The following STK33 variants were observed in gnomAD, a reference collection of about 807,000 sequenced individuals.
STK33 encodes serine/threonine-protein kinase 33.
Under a neutral mutation model 58.0 loss-of-function variants are expected in STK33, and 52 were observed. The ratio of observed to expected loss-of-function variants is 0.90; its 90% CI spans 0.72 to 1.13. The LOEUF (loss-of-function observed/expected upper bound fraction) is 1.13, where lower values mean the gene tolerates loss of function less well. Among genes scored for constraint, STK33 ranks in the 50% most tolerant of loss-of-function variants. The pLI, the probability that STK33 is intolerant of heterozygous loss-of-function variation, is 0.00. For synonymous variants in STK33, 215 were observed against 200.1 expected, an observed-to-expected ratio of 1.07 and a Z score of -0.63; for missense variants, 630 against 604.2, an observed-to-expected ratio of 1.04 and a Z score of -0.45.
chr11:8,469,653 G>C (rs1192804973), intron 6 of STK33, among the ~76,000 whole-genome samples: 2 of 152,184 alleles, frequency 1.3e-5, no homozygotes, highest in Non-Finnish European at 2.9e-5. Flanking sequence ...AGATCCATCA[G>C]AGGAATCACT....
chr11:8,493,557 A>G (rs947818513), intron 1 of STK33, among the ~76,000 whole-genome samples: 4 of 152,208 alleles, frequency 2.6e-5, no homozygotes, highest in African/African-American at 9.7e-5. Flanking sequence ...AAACGATTTC[A>G]ATCAATAGAA....
chr11:8,516,673 C>G (rs549812933), intron 1 of STK33, among the ~76,000 whole-genome samples: 1 of 152,242 alleles, frequency 6.6e-6, no homozygotes, highest in South Asian at 2.1e-4. Flanking sequence ...AAATGGCATA[C>G]CAGGAGATTA....
intron 14 of STK33, among the ~76,000 whole-genome samples, chr11:8,419,096 CT>C (rs1429009775): frequency 1.6e-4 from 25 of 152,144 alleles, no homozygotes; most frequent in African/African-American, 6.0e-4. Context: ...TTACATACCA[CT>C]TGTCATTTTT....
At chr11:8,371,313 T>G in the STK33 span, among the ~76,000 whole-genome samples, 1 of 151,278 alleles carries the variant, frequency 6.6e-6, no homozygotes. Context: ...CAAGGAAGGC[T>G]GTGTGAAGAC....
chr11:8,440,459 T>C (rs1341089691), intron 12 of STK33, among the ~76,000 whole-genome samples: 3 of 152,134 alleles, frequency 2.0e-5, no homozygotes, highest in Non-Finnish European at 4.4e-5. Context: ...TATAGATCAA[T>C]GAAAACCAAA....
At chr11:8,442,759 C>G (rs1944926722) in intron 11 of STK33, among the ~76,000 whole-genome samples, 1 of 152,082 alleles carries the variant, frequency 6.6e-6, no homozygotes, top group East Asian at 1.9e-4. Flanking sequence ...ACAAAAAAAG[C>G]AACGAATTAC....
chr11:8,590,783 C>T (rs919327582), intron 1 of STK33, among the ~76,000 whole-genome samples: 1 of 152,036 alleles, frequency 6.6e-6, no homozygotes. Context: ...AAGATAAATC[C>T]AAACAAAACA....
At chr11:8,375,804 G>A in the STK33 span, among the ~76,000 whole-genome samples, 2 of 152,212 alleles carry the variant, frequency 1.3e-5, no homozygotes, top group Admixed American at 1.3e-4. Context: ...TTTGCCTTCT[G>A]CCACGATTGT....
At chr11:8,351,153 T>TC in the STK33 span, among the ~76,000 whole-genome samples, 1 of 151,064 alleles carries the variant, frequency 6.6e-6, no homozygotes, top group Non-Finnish European at 1.5e-5. Flanking sequence ...ACAAAACACC[T>TC]CCCCCCGAAA....
At chr11:8,554,527 G>C (rs1378076552) in intron 1 of STK33, among the ~76,000 whole-genome samples, 2 of 151,272 alleles carry the variant, frequency 1.3e-5, no homozygotes, top group African/African-American at 4.9e-5. Context: ...CTAATTATCA[G>C]ATAAATGCAA....
intron 1 of STK33, among the ~76,000 whole-genome samples, chr11:8,559,071 GA>G: frequency 6.6e-6 from 1 of 152,250 alleles, no homozygotes; most frequent in East Asian, 1.9e-4. Flanking sequence ...AGAAAATGTA[GA>G]GGTCCACTTG....
chr11:8,434,209 C>A, intron 14 of STK33: 1 of 167,284 alleles, frequency 6.0e-6, no homozygotes, highest in Non-Finnish European at 1.2e-5. Flanking sequence ...GATTGTGTCA[C>A]TGCACTCCAG....
chr11:8,575,904 G>A (rs1958148732), intron 1 of STK33, among the ~76,000 whole-genome samples: 1 of 152,040 alleles, frequency 6.6e-6, no homozygotes, highest in Admixed American at 6.6e-5. Flanking sequence ...TGAGAAGACT[G>A]GGAGAGACTA....
intron 1 of STK33, among the ~76,000 whole-genome samples, chr11:8,536,188 A>G (rs546930681): frequency 6.6e-6 from 1 of 152,332 alleles, no homozygotes; most frequent in East Asian, 1.9e-4. Flanking sequence ...AATGTTTGAT[A>G]GCAGAGTAGG....
At chr11:8,504,950 T>C (rs1951767505) in intron 1 of STK33, among the ~76,000 whole-genome samples, 1 of 152,232 alleles carries the variant, frequency 6.6e-6, no homozygotes, top group South Asian at 2.1e-4. Context: ...ATTTGTATGC[T>C]GAAAATACTA....
the STK33 span, among the ~76,000 whole-genome samples, chr11:8,377,169 GATGA>G: frequency 3.3e-5 from 5 of 152,206 alleles, no homozygotes; most frequent in Non-Finnish European, 5.9e-5. Context: ...AGAAGCTAGA[GATGA>G]TGTTCTCATT....
At chr11:8,581,991 A>C (rs1318492091) in intron 1 of STK33, among the ~76,000 whole-genome samples, 1 of 152,218 alleles carries the variant, frequency 6.6e-6, no homozygotes, top group African/African-American at 2.4e-5. Flanking sequence ...TGAGTCTGAA[A>C]ACACAATTTT....
At chr11:8,447,364 G>A (rs1179596184) in intron 11 of STK33, among the ~76,000 whole-genome samples, 3 of 152,288 alleles carry the variant, frequency 2.0e-5, no homozygotes, top group Admixed American at 1.3e-4. Context: ...TATCTCTCAT[G>A]AACATCGATG....
chr11:8,550,654 T>G (rs1956241434), intron 1 of STK33, among the ~76,000 whole-genome samples: 1 of 152,208 alleles, frequency 6.6e-6, no homozygotes, highest in Non-Finnish European at 1.5e-5. Flanking sequence ...CCACTGGCTC[T>G]TTTCTAAAAC....
Sources: allele counts gnomAD v4.1 joint callset (sites outside exome capture counted in the v4.1 genomes callset), GRCh38; gene constraint gnomAD v4.1.1; transcripts MANE v1.5; gene names NCBI Gene and HGNC (gene_info 2026-07-23, HGNC 2026-07-21).